PTCH1: variants seen among roughly 807,000 people sequenced by gnomAD.
The protein encoded by PTCH1 is protein patched homolog 1.
Under a neutral mutation model 144.6 loss-of-function variants are expected in PTCH1, and 14 were observed. The observed-to-expected ratio is 0.10, with a 90% CI of 0.06 to 0.15. PTCH1 has a LOEUF of 0.15. Ranked by LOEUF, PTCH1 falls within the 10% of genes least tolerant of loss-of-function variation. The probability of loss-of-function intolerance (pLI) is 1.00; values close to 1 mark genes in which losing one functional copy is unlikely to be tolerated. For synonymous variants in PTCH1, 833 were observed against 793.6 expected, an observed-to-expected ratio of 1.05 and a Z score of -0.83; for missense variants, 1,623 against 1,948.3, an observed-to-expected ratio of 0.83 and a Z score of 3.14.
At chr9:95,460,492 G>A (rs1372504078) in intron 16 of PTCH1, among the ~76,000 whole-genome samples, 3 of 152,116 alleles carry the variant, frequency 2.0e-5, no homozygotes, top group African/African-American at 4.8e-5. Flanking sequence ...GAAAAATTCC[G>A]TTTCCTGTTT....
chr9:95,478,901 T>C (rs1841306934), intron 8 of PTCH1, 99 bp downstream of exon 8: 5 of 1,562,178 alleles, frequency 3.2e-6, no homozygotes, highest in Non-Finnish European at 3.5e-6. Context: ...TTGCAATGTT[T>C]TGAAAATAAA....
chr9:95,443,735 A>C lies in PTCH1; in HGVS notation c.*2658T>G, dbSNP rs548564269. On this transcript the variant is annotated 3_prime_UTR_variant, in exon 24 of 24. Coordinates refer to ENST00000331920, the MANE Select transcript of PTCH1 (RefSeq NM_000264.5). ...TATACTTCTGTCAAAAGACTTGATG[A>C]CTACTATGTACACTACAAAAATAAA... 1 of 152,782 alleles carries C rather than the reference A, an allele frequency of 6.5e-6. No individual in the cohort carries two copies. Among genetic ancestry groups the C allele is most frequent in the African/African-American group, 2.4e-5 (1 of 41,584 alleles). 9.5% of individuals were successfully genotyped at this position (152,782 alleles called of 1,614,324 possible).
Position 95,458,805 on chromosome 9 carries a change from T to C in PTCH1, c.2888-512A>G, listed in dbSNP as rs904621310. On this transcript the variant is annotated intron_variant, in intron 17 of 23. Transcript: ENST00000331920. The surrounding 1 kb of genome is among the most constrained non-coding windows in gnomAD (Gnocchi z 4.7). ...CACAACAAGCATTTAGTTACTGCCG[T>C]TGTGTGTTCCAGACCCTCTGGGGTC... Among the ~76,000 whole-genome samples the C allele has an allele frequency of 2.6e-5, 4 of 152,256 alleles. No homozygotes were observed. The highest frequency in any genetic ancestry group is 2.9e-5 in the Non-Finnish European group (2 of 68,050).
chr9:95,503,642 C>A (rs1025776653), intron 2 of PTCH1, among the ~76,000 whole-genome samples: 1 of 152,174 alleles, frequency 6.6e-6, no homozygotes, highest in Non-Finnish European at 1.5e-5. Context: ...GACCTGGAGA[C>A]AAACAGACAA....
chr9:95,463,104 C>T (rs775382131), intron 15 of PTCH1, among the ~76,000 whole-genome samples: 28 of 151,538 alleles, frequency 1.8e-4, no homozygotes, highest in Non-Finnish European at 3.4e-4. Context: ...GGGTTGGACA[C>T]GGCTAGTAAG....
At chr9:95,500,368 C>T (rs1843069553) in intron 2 of PTCH1, among the ~76,000 whole-genome samples, 1 of 152,184 alleles carries the variant, frequency 6.6e-6, no homozygotes, top group African/African-American at 2.4e-5. Flanking sequence ...CATTTCCAAT[C>T]GTTTTTCTCC....
Position 95,473,069 on chromosome 9 carries a change from C to T in PTCH1, c.1728+2965G>A, listed in dbSNP as rs572665036. ...AGACAGAACAACAAGGGGTTCTGTT[C>T]TGTGAGTTTTCATTGAAGAATAAAC... On this transcript the variant is annotated intron_variant, in intron 12 of 23. Transcript: ENST00000331920. Among the ~76,000 whole-genome samples, 150 of 152,190 alleles carry T rather than the reference C, an allele frequency of 9.9e-4. 1 individual carries two copies. Among genetic ancestry groups the T allele is most frequent in the Non-Finnish European group, 1.7e-3 (117 of 68,034 alleles).
At chr9:95,473,732 CG>C (rs1482011590) in intron 12 of PTCH1, among the ~76,000 whole-genome samples, 7 of 151,300 alleles carry the variant, frequency 4.6e-5, no homozygotes, top group African/African-American at 1.7e-4. Flanking sequence ...TTAGTAGAGA[CG>C]GGGTTTCACC....
At chr9:95,447,568 A>G (rs1016865147) in intron 22 of PTCH1, 117 bp from the exon 23 acceptor site, 9 of 1,093,276 alleles carry the variant, frequency 8.2e-6, no homozygotes, top group African/African-American at 6.3e-5. Flanking sequence ...TGGGGAGCCA[A>G]TGGGGGCCTT....
chr9:95,490,020 T>C (rs1191854634), intron 2 of PTCH1, among the ~76,000 whole-genome samples: 2 of 151,344 alleles, frequency 1.3e-5, no homozygotes, highest in African/African-American at 2.4e-5. Flanking sequence ...GCCAGGATGG[T>C]CTCGATCTCC....
rs1060504532 is a variant in PTCH1, at chr9:95,458,226, T to G, written c.2955A>C (p.Ser985=). ...PFYLNGLRDT[S]DFVEAIEKVR... ...CTTTTTCAATTGCCTCCACAAAGTC[T>G]GAGGTGTCCCGCAAGCCGTTGAGGT... Residue 985 remains serine, a synonymous_variant, in exon 18 of 24, where the codon TCA becomes TCC. Coordinates refer to ENST00000331920, the MANE Select transcript of PTCH1 (RefSeq NM_000264.5). This position sits in a 1 kb window ranked among gnomAD's most constrained non-coding sequence, Gnocchi z 4.7. 1.2e-6 allele frequency: 2 copies of G among 1,614,054 alleles called. No individual in the cohort carries two copies. The highest frequency in any genetic ancestry group is 1.7e-6 in the Non-Finnish European group (2 of 1,180,018).
At chr9:95,509,662 A>G (rs1000099875), upstream of PTCH1, among the ~76,000 whole-genome samples, 6 of 152,210 alleles carry the variant, frequency 3.9e-5, no homozygotes, top group East Asian at 1.9e-4. Flanking sequence ...GGGAAATGTA[A>G]TATTTTTTTA....
intron 12 of PTCH1, among the ~76,000 whole-genome samples, chr9:95,473,314 G>C (rs1040167936): frequency 2.6e-5 from 4 of 152,196 alleles, no homozygotes; most frequent in Admixed American, 6.5e-5. Context: ...CTATTGGACA[G>C]AACCGCCTTG....
At chr9:95,507,293 G>A (rs1843756515) in intron 1 of PTCH1, 1 of 985,460 alleles carries the variant, frequency 1.0e-6, no homozygotes, top group Non-Finnish European at 1.2e-6. Flanking sequence ...TTCCTTTCTG[G>A]TTAAACGTAA....
intron 2 of PTCH1, among the ~76,000 whole-genome samples, chr9:95,505,027 A>T (rs1843453596): frequency 6.6e-6 from 1 of 152,236 alleles, no homozygotes; most frequent in South Asian, 2.1e-4. Context: ...TTCAATCCAA[A>T]GAACGCTTTT....
At chr9:95,516,781 G>C (rs759072485) in exon 1 of PTCH1, 1 of 1,612,518 alleles carries the variant, frequency 6.2e-7, no homozygotes, top group Non-Finnish European at 8.5e-7. Context: ...GTGCAGCGCG[G>C]ACTCACAATT....
At position 95,447,344 on chromosome 9, in the gene PTCH1, C is replaced by A. The variant is rs757702954; in HGVS notation, c.3912G>T (p.Arg1304Ser). The change falls in exon 23 of 24, where the codon AGG (arginine) becomes AGT (serine). Residue 1304 changes from arginine to serine, a missense_variant. Arg to Ser is a moderately radical substitution (Grantham distance 110). Coordinates refer to ENST00000331920, the MANE Select transcript of PTCH1 (RefSeq NM_000264.5). ...PPGRQGQQPR[R>S]DPPREGLWPP... Reference sequence around the variant, plus strand: ...GCCACAAGCCTTCTCTGGGGGGGTCCCTGCGGGGCTGCTGGCCTTGCCGTC... The same window carrying A: ...GCCACAAGCCTTCTCTGGGGGGGTCACTGCGGGGCTGCTGGCCTTGCCGTC... The A allele has an allele frequency of 6.8e-6, 11 of 1,613,416 alleles. No individual in the cohort carries two copies. Among genetic ancestry groups the A allele is most frequent in the Non-Finnish European group, 9.3e-6 (11 of 1,179,976 alleles).
chr9:95,478,321 C>G, intron 8 of PTCH1, 135 bp from the exon 9 acceptor site: 1 of 1,347,450 alleles, frequency 7.4e-7, no homozygotes, highest in Admixed American at 1.9e-5. Context: ...CTACGTGATT[C>G]CAGGGCAGGG....
chr9:95,456,309 G>C lies in PTCH1; in HGVS notation c.3273C>G (p.Gly1091=), dbSNP rs1838919829. The part of the protein sequence containing the change: ...VPVVILIASV[G]IGVEFTVHVA... ...CGTGAACGGTGAACTCCACTCCTAT[G>C]CCAACAGAAGCGATCAGGATGACCA... The change falls in exon 19 of 24, where the codon GGC becomes GGG. Residue 1091 remains glycine, a synonymous_variant. Transcript: ENST00000331920. 1.2e-6 allele frequency: 2 copies of C among 1,613,916 alleles called. No individual in the cohort carries two copies. The highest frequency in any genetic ancestry group is 2.7e-5 in the African/African-American group (2 of 74,934).
Sources: gnomAD v4.1 joint callset for allele counts (sites outside exome capture counted in the v4.1 genomes callset) on GRCh38, gnomAD v4.1.1 for gene constraint, Gnocchi (gnomAD v3.1) non-coding constraint, MANE v1.5 for transcripts, NCBI Gene and HGNC (gene_info 2026-07-23, HGNC 2026-07-21) for gene names.